The following PDCD6IP variants were observed in gnomAD, a reference collection of about 807,000 sequenced individuals.
PDCD6IP encodes the protein programmed cell death 6 interacting protein, also known as programmed cell death 6-interacting protein.
Under a neutral mutation model 103.7 loss-of-function variants are expected in PDCD6IP, and 43 were observed. That is an observed-to-expected ratio of 0.41 (90% CI 0.32 to 0.53). The LOEUF is 0.53. Ranked by LOEUF, PDCD6IP falls within the 20% of genes least tolerant of loss-of-function variation. PDCD6IP has a pLI of 0.16. For synonymous variants in PDCD6IP, 354 were observed against 378.7 expected (o/e 0.93, Z 0.76); for missense variants, 871 against 1,036.7 (o/e 0.84, Z 2.20).
chr3:33,817,323 T>C (rs1696877453), intron 3 of PDCD6IP, among the ~76,000 whole-genome samples: 1 of 152,224 alleles, frequency 6.6e-6, no homozygotes, highest in Non-Finnish European at 1.5e-5. Flanking sequence ...TATGTAGTTA[T>C]TTGTGAGATA....
chr3:33,799,048 C>A, intron 1 of PDCD6IP, 111 bp downstream of exon 1: 1 of 1,051,264 alleles, frequency 9.5e-7, no homozygotes, highest in African/African-American at 1.6e-5. Flanking sequence ...CCGCCCCGTC[C>A]CGGCCTGACC....
intron 7 of PDCD6IP, among the ~76,000 whole-genome samples, chr3:33,832,906 T>C (rs569147196): frequency 1.3e-5 from 2 of 152,274 alleles, no homozygotes; most frequent in African/African-American, 4.8e-5. Flanking sequence ...TTTGTTTAAC[T>C]ATGATGGAAA....
chr3:33,850,204 T>A (rs546177933), intron 12 of PDCD6IP, among the ~76,000 whole-genome samples: 1 of 152,220 alleles, frequency 6.6e-6, no homozygotes, highest in Non-Finnish European at 1.5e-5. Flanking sequence ...TAGTAACCTG[T>A]CCTTGATTGC....
In PDCD6IP at chr3:33,822,149, C is replaced by T; in HGVS notation, c.462+67C>T. 4 of 1,522,602 alleles carry T rather than the reference C, an allele frequency of 2.6e-6. No homozygotes were observed. In the South Asian group the frequency reaches 4.6e-5, roughly 18 times the overall value. The allele number at this position is 1,522,602 out of a possible 1,614,324, so 94.3% of individuals were successfully genotyped here. A position where few individuals can be genotyped will look rare whatever the true frequency, so the allele number is the denominator to read the frequency against. On this transcript the variant is annotated intron_variant, in intron 4 of 17. Transcript: ENST00000307296. ...ATTGGATTAAGTGGAAAATAATTTG[C>T]ATTTAGGTTTATAGATACTTCTTAC...
intron 15 of PDCD6IP, among the ~76,000 whole-genome samples, chr3:33,862,397 T>C (rs1352937397): frequency 1.3e-5 from 2 of 152,298 alleles, no homozygotes; most frequent in East Asian, 3.9e-4. Flanking sequence ...TTGGGACATG[T>C]CATATTTACT....
chr3:33,828,978 C>A lies in PDCD6IP; in HGVS notation c.834+9C>A. On this transcript the variant is annotated intron_variant, in intron 7 of 17. Coordinates refer to ENST00000307296, the MANE Select transcript of PDCD6IP (RefSeq NM_013374.6). ...AAATTGCAAGGTTACAGGTGAGTCT[C>A]TTGGTAATAAATATTTAAGTAACTA... The A allele has an allele frequency of 6.4e-7, 1 of 1,572,510 alleles. No homozygotes were observed. Among genetic ancestry groups the A allele is most frequent in the Non-Finnish European group, 8.6e-7 (1 of 1,159,622 alleles).
At chr3:33,837,771 A>G (rs2125563805) in intron 8 of PDCD6IP, among the ~76,000 whole-genome samples, 1 of 152,230 alleles carries the variant, frequency 6.6e-6, no homozygotes, top group South Asian at 2.1e-4. Flanking sequence ...TATTTTTAGT[A>G]GAGATGGGGT....
chr3:33,801,539 A>G (rs931261413), intron 1 of PDCD6IP, among the ~76,000 whole-genome samples: 3 of 152,178 alleles, frequency 2.0e-5, no homozygotes, highest in East Asian at 3.8e-4. Flanking sequence ...GGTAGCATGC[A>G]CTCATAATTC....
At chr3:33,804,159 G>A (rs1696539944) in intron 1 of PDCD6IP, among the ~76,000 whole-genome samples, 1 of 152,134 alleles carries the variant, frequency 6.6e-6, no homozygotes, top group South Asian at 2.1e-4. Context: ...AGTAAAGCAG[G>A]GTTTTATTGG....
In PDCD6IP at chr3:33,825,292, A is replaced by C. The variant is rs1462769948; in HGVS notation, c.568A>C (p.Ile190Leu). ...SPDTVGTLSLIMLAQAQEVFF... is the reference protein window; with the variant it reads ...SPDTVGTLSLLMLAQAQEVFF... Reference sequence around the variant, plus strand: ...AGATACTGTTGGGACCCTCAGTCTTATTATGCTGGCACAGGCTCAAGAAGT... The same window carrying C: ...AGATACTGTTGGGACCCTCAGTCTTCTTATGCTGGCACAGGCTCAAGAAGT... Residue 190 changes from isoleucine to leucine, a missense_variant, in exon 5 of 18, where the codon ATT (isoleucine) becomes CTT (leucine). By Grantham distance (5) the Ile-to-Leu change is conservative. Around this residue, in one of 5 missense-constraint regions of PDCD6IP, gnomAD observed 242 missense variants for 250.7 expected, o/e 0.97. Transcript: ENST00000307296. 1.9e-6 allele frequency: 3 copies of C among 1,613,314 alleles called. No individual in the cohort carries two copies. Among genetic ancestry groups the C allele is most frequent in the South Asian group, 1.1e-5 (1 of 90,808 alleles).
intron 13 of PDCD6IP, among the ~76,000 whole-genome samples, chr3:33,852,949 A>C (rs1008832263): frequency 1.5e-5 from 2 of 132,540 alleles, no homozygotes; most frequent in African/African-American, 5.7e-5. Context: ...TTTGAGATGG[A>C]GTCTCTCTCT....
rs550876351 is a variant in PDCD6IP at position 33,798,883 on chromosome 3, C to G, written c.155C>G (p.Ala52Gly). 533 of 1,548,536 alleles carry G rather than the reference C, an allele frequency of 3.4e-4. 6 individuals are homozygous for G. In the South Asian group the frequency reaches 5.9e-3, roughly 17 times the overall value. ...GAGGAGCTCAGCAAGCTGCGCCGCG[C>G]CGCAGTCGGTCGTCCGCTGGACAAG... Reference protein sequence around the residue: ...AAEELSKLRRAAVGRPLDKHE... With the variant: ...AAEELSKLRRGAVGRPLDKHE... Residue 52 changes from alanine to glycine, a missense_variant, in exon 1 of 18, where the codon GCC becomes GGC. By Grantham distance (60) the Ala-to-Gly change is moderately conservative (BLOSUM62 0). This residue lies in a region of PDCD6IP where 114 missense variants were observed against 106.7 expected (regional missense o/e 1.07). Transcript: ENST00000307296.
chr3:33,798,666 C>G lies in PDCD6IP; in HGVS notation c.-63C>G. The G allele has an allele frequency of 7.1e-7, 1 of 1,408,456 alleles. No homozygotes were observed. The highest frequency in any genetic ancestry group is 9.6e-7 in the Non-Finnish European group (1 of 1,045,776). 87.2% of individuals were successfully genotyped at this position (1,408,456 alleles called of 1,614,324 possible). On this transcript the variant is annotated 5_prime_UTR_variant, in exon 1 of 18. Coordinates refer to ENST00000307296, the MANE Select transcript of PDCD6IP (RefSeq NM_013374.6). The stretch of plus-strand genomic sequence containing the variant: ...CAGTCCGCCAGCCCAGTACCTCTCT[C>G]TCCTCGGCCCTCGTAAGCTGTCCGC...
rs758723730 is a variant in PDCD6IP at position 33,825,249 on chromosome 3, G to A, written c.525G>A (p.Pro175=). 11 of 1,613,284 alleles carry A rather than the reference G, an allele frequency of 6.8e-6. No homozygotes were observed. The highest frequency in any genetic ancestry group is 6.7e-5 in the African/African-American group (5 of 74,830). Residue 175 remains proline (P), a synonymous_variant, in exon 5 of 18, where the codon CCG becomes CCA. Transcript: ENST00000307296. The part of the protein sequence containing the change: ...ETVLSALSRE[P]TVDISPDTVG... ...TTTTATCTGCCTTAAGTCGAGAGCC[G>A]ACCGTGGACATATCTCCAGATACTG...
chr3:33,844,867 T>TA (rs66598271), intron 11 of PDCD6IP, among the ~76,000 whole-genome samples: 60 of 148,082 alleles, frequency 4.1e-4, no homozygotes, highest in South Asian at 8.6e-4. Context: ...TCCTGGGTGG[T>TA]AAAAAAAAAA....
intron 15 of PDCD6IP, among the ~76,000 whole-genome samples, chr3:33,857,947 C>A (rs1297180622): frequency 6.6e-6 from 1 of 152,076 alleles, no homozygotes; most frequent in Non-Finnish European, 1.5e-5. Context: ...CCAGCCAAGA[C>A]AATCACATGA....
At chr3:33,802,198 GGTA>G (rs1449619444) in intron 1 of PDCD6IP, among the ~76,000 whole-genome samples, 1 of 152,146 alleles carries the variant, frequency 6.6e-6, no homozygotes, top group African/African-American at 2.4e-5. Flanking sequence ...CCAAGTTCCA[GGTA>G]GTAGGATGGA....
In PDCD6IP at chr3:33,866,507, T is replaced by A; in HGVS notation, c.2589T>A (p.Ser863=). 1.9e-6 allele frequency: 3 copies of A among 1,607,188 alleles called. No individual in the cohort carries two copies. Among genetic ancestry groups the A allele is most frequent in the Non-Finnish European group, 8.5e-7 (1 of 1,177,864 alleles). The change falls in exon 18 of 18, where the codon TCT becomes TCA. Residue 863 remains serine (S), a synonymous_variant. Coordinates refer to ENST00000307296, the MANE Select transcript of PDCD6IP (RefSeq NM_013374.6). ...CCTTCCCTCAGCCCCCACAGCAGTC[T>A]TACTATCCACAGCAGTAATATGTCT... ...SYPFPQPPQQ[S]YYPQQ
chr3:33,818,050 T>C (rs1696895519), intron 3 of PDCD6IP, among the ~76,000 whole-genome samples: 1 of 150,242 alleles, frequency 6.7e-6, no homozygotes, highest in South Asian at 2.1e-4. Flanking sequence ...GTATCCAATA[T>C]ATAAACAGTT....
Sources: allele counts gnomAD v4.1 joint callset (sites outside exome capture counted in the v4.1 genomes callset), GRCh38; gene constraint gnomAD v4.1.1; regional missense constraint gnomAD v4.1.1; transcripts MANE v1.5; gene names NCBI Gene and HGNC (gene_info 2026-07-23, HGNC 2026-07-21).